Variants in KCNK2 observed in about 807,000 individuals in gnomAD.
The protein encoded by KCNK2 is potassium channel subfamily K member 2.
KCNK2 carries 21 observed loss-of-function variants against 40.5 expected under a neutral mutation model. That is an observed-to-expected ratio of 0.52 (90% CI 0.37 to 0.75). The LOEUF (loss-of-function observed/expected upper bound fraction) is 0.75, where lower values mean the gene tolerates loss of function less well. Among genes scored for constraint, KCNK2 ranks in the 30% least tolerant of loss-of-function variants. KCNK2 has a pLI of 0.00. For synonymous variants in KCNK2, 191 were observed against 202.2 expected (o/e 0.94, Z 0.47); for missense variants, 399 against 531.6 (o/e 0.75, Z 2.45).
chr1:215,223,516 G>A (rs1405157301), intron 6 of KCNK2, among the ~76,000 whole-genome samples: 2 of 152,110 alleles, frequency 1.3e-5, no homozygotes, highest in East Asian at 1.9e-4. Flanking sequence ...GGACAAGATT[G>A]TAGGACTGCA....
intron 3 of KCNK2, among the ~76,000 whole-genome samples, chr1:215,145,572 A>G (rs1286482617): frequency 6.6e-6 from 1 of 152,172 alleles, no homozygotes; most frequent in Non-Finnish European, 1.5e-5. Flanking sequence ...AATATATGTT[A>G]TGTCTAATGT....
At chr1:215,233,940 C>G (rs531800313) in intron 6 of KCNK2, among the ~76,000 whole-genome samples, 1 of 152,134 alleles carries the variant, frequency 6.6e-6, no homozygotes, top group Non-Finnish European at 1.5e-5. Context: ...TCAGGGTGAT[C>G]GATGGCACTT....
intron 5 of KCNK2, 116 bp downstream of exon 5, chr1:215,172,299 C>T (rs1408171629): frequency 4.6e-6 from 4 of 874,782 alleles, no homozygotes; most frequent in Non-Finnish European, 5.3e-6. Context: ...GCTGACATAC[C>T]CAAGTACCAT....
chr1:215,050,347 C>T (rs1008523121), intron 1 of KCNK2, among the ~76,000 whole-genome samples: 7 of 152,026 alleles, frequency 4.6e-5, no homozygotes, highest in South Asian at 2.1e-4. Context: ...AAAAGTTTTC[C>T]GAACTCGAAG....
chr1:215,101,850 A>G (rs1215267933), intron 2 of KCNK2, among the ~76,000 whole-genome samples: 1 of 152,016 alleles, frequency 6.6e-6, no homozygotes, highest in East Asian at 1.9e-4. Flanking sequence ...ACTGCTAGTC[A>G]TATTAAAGTA....
intron 1 of KCNK2, among the ~76,000 whole-genome samples, chr1:215,024,136 T>A (rs1039724476): frequency 4.6e-5 from 7 of 152,232 alleles, no homozygotes; most frequent in Non-Finnish European, 7.3e-5. Context: ...TATAGGGATC[T>A]GAGTGGAGCA....
At chr1:215,215,600 A>G (rs1410704421) in intron 6 of KCNK2, among the ~76,000 whole-genome samples, 1 of 152,164 alleles carries the variant, frequency 6.6e-6, no homozygotes, top group Non-Finnish European at 1.5e-5. Flanking sequence ...TCTGATGGCC[A>G]CAGACAAAGG....
rs543268665 is a variant in KCNK2, at chr1:215,189,218, GTTACTTAAC to G, written c.824-5732_824-5724del. The stretch of plus-strand genomic sequence containing the variant: ...TTAGGGACTGTGGACAAACCAAAAA[GTTACTTAAC>G]TTTTAGGGTTCTGAATGGATATATA... On this transcript the variant is annotated intron_variant, in intron 5 of 6. Transcript: ENST00000444842. 2.6e-3 allele frequency among the ~76,000 whole-genome samples: 402 copies of G among 152,208 alleles called. 1 individual carries two copies. Among genetic ancestry groups the G allele is most frequent in the African/African-American group, 9.2e-3 (382 of 41,550 alleles).
At position 215,083,033 on chromosome 1, in the gene KCNK2, G is replaced by A. The variant is rs867197071; in HGVS notation, c.-353G>A. ...GCGGCGGCGGCGGCGGCGGCGGCGG[G>A]CAGGCGCGGGACCCGGGTCGCCCGC... On this transcript the variant is annotated 5_prime_UTR_variant, in exon 1 of 7. Coordinates refer to ENST00000444842, the MANE Select transcript of KCNK2 (RefSeq NM_001017425.3). 448 of 156,934 alleles carry A rather than the reference G, an allele frequency of 2.9e-3. 2 individuals carry two copies. Among genetic ancestry groups the A allele is most frequent in the African/African-American group, 0.01 (424 of 40,936 alleles). 9.7% of individuals were successfully genotyped at this position (156,934 alleles called of 1,614,324 possible). A position where few individuals can be genotyped will look rare whatever the true frequency, so the allele number is the denominator to read the frequency against.
chr1:215,125,609 G>A (rs1439577582), intron 3 of KCNK2, among the ~76,000 whole-genome samples: 1 of 151,596 alleles, frequency 6.6e-6, no homozygotes, highest in Admixed American at 6.6e-5. Context: ...GATGGGGGAG[G>A]GATAGCATTA....
intron 1 of KCNK2, among the ~76,000 whole-genome samples, chr1:215,063,474 T>C (rs147983825): frequency 1.1e-3 from 161 of 152,328 alleles, no homozygotes; most frequent in South Asian, 1.0e-2. Flanking sequence ...TCTCCATGAA[T>C]GCTTGCATTT....
chr1:215,208,547 A>G (rs1170816930), intron 6 of KCNK2, among the ~76,000 whole-genome samples: 1 of 152,144 alleles, frequency 6.6e-6, no homozygotes, highest in Non-Finnish European at 1.5e-5. Context: ...AATGCTTCTC[A>G]CATCTTGCAG....
rs1255316728 is a variant in KCNK2 at position 215,083,254 on chromosome 1, G to C, written c.-132G>C. 1 of 1,565,394 alleles carries C rather than the reference G, an allele frequency of 6.4e-7. No individual in the cohort carries two copies. The highest frequency in any genetic ancestry group is 1.4e-5 in the African/African-American group (1 of 72,244). ...CTCCCCACCTTGTAAAACAAAGCCG[G>C]GGAAAATGCCTGCCCGTGCAGCTCG... On this transcript the variant is annotated 5_prime_UTR_variant, in exon 1 of 7. Coordinates refer to ENST00000444842, the MANE Select transcript of KCNK2 (RefSeq NM_001017425.3).
chr1:215,029,085 T>A (rs1657095417), intron 1 of KCNK2, among the ~76,000 whole-genome samples: 1 of 151,812 alleles, frequency 6.6e-6, no homozygotes, highest in African/African-American at 2.4e-5. Flanking sequence ...AATATCAACA[T>A]CCCCCACCAG....
chr1:215,096,250 G>A (rs1484326253), intron 2 of KCNK2, among the ~76,000 whole-genome samples: 1 of 151,552 alleles, frequency 6.6e-6, no homozygotes, highest in Non-Finnish European at 1.5e-5. Flanking sequence ...GATTTTACAC[G>A]TATAGGATCA....
intron 3 of KCNK2, among the ~76,000 whole-genome samples, chr1:215,154,168 C>T (rs759085088): frequency 7.2e-5 from 11 of 152,154 alleles, no homozygotes; most frequent in Non-Finnish European, 1.6e-4. Context: ...GAGGAATCGC[C>T]ACACTGTCTG....
chr1:215,128,235 G>A (rs1571644116), intron 3 of KCNK2, among the ~76,000 whole-genome samples: 1 of 152,202 alleles, frequency 6.6e-6, no homozygotes, highest in East Asian at 1.9e-4. Context: ...AGTTGGAAAG[G>A]GAGGCTTGCA....
chr1:215,051,137 G>A (rs1657971087), intron 1 of KCNK2, among the ~76,000 whole-genome samples: 1 of 152,108 alleles, frequency 6.6e-6, no homozygotes, highest in South Asian at 2.1e-4. Flanking sequence ...ATTCACAGGT[G>A]CAATCATTTT....
At chr1:215,013,907 C>T (rs2841612) in intron 1 of KCNK2, among the ~76,000 whole-genome samples, 3 of 151,776 alleles carry the variant, frequency 2.0e-5, no homozygotes, top group South Asian at 2.1e-4. Context: ...CCTTTTATTT[C>T]GTTTACTTAC....
Sources: allele counts gnomAD v4.1 joint callset (sites outside exome capture counted in the v4.1 genomes callset), GRCh38; gene constraint gnomAD v4.1.1; transcripts MANE v1.5; gene names NCBI Gene and HGNC (gene_info 2026-07-23, HGNC 2026-07-21).